APP: variants seen among roughly 807,000 people sequenced by gnomAD.
APP encodes amyloid beta precursor protein.
A neutral mutation model predicts 101.4 loss-of-function variants in APP; 31 were observed. The ratio of observed to expected loss-of-function variants is 0.31; its 90% confidence interval spans 0.23 to 0.41. The LOEUF is 0.41. Among genes scored for constraint, APP ranks in the 10% least tolerant of loss-of-function variants. The probability of loss-of-function intolerance (pLI) is 1.00; values close to 1 mark genes in which losing one functional copy is unlikely to be tolerated. For synonymous variants in APP, 366 were observed against 364.4 expected (o/e 1.00, Z -0.05); for missense variants, 839 against 1,003.7 (o/e 0.84, Z 2.22).
intron 2 of APP, among the ~76,000 whole-genome samples, chr21:26,108,189 C>T (rs1285778175): frequency 1.3e-5 from 2 of 152,236 alleles, no homozygotes; most frequent in Non-Finnish European, 2.9e-5. Context: ...TCAATTTCCT[C>T]ACTGCCACGT....
At chr21:25,914,240 C>CT (rs1440076940) in intron 13 of APP, among the ~76,000 whole-genome samples, 1 of 151,916 alleles carries the variant, frequency 6.6e-6, no homozygotes, top group Non-Finnish European at 1.5e-5. Context: ...TTCCTGCTTG[C>CT]TTTTCCACAC....
At chr21:26,027,234 G>A (rs1481268142) in intron 5 of APP, among the ~76,000 whole-genome samples, 2 of 152,122 alleles carry the variant, frequency 1.3e-5, no homozygotes, top group Non-Finnish European at 2.9e-5. Flanking sequence ...AAGCTCAGCA[G>A]GAAGAGGTTC....
rs548502068 is a variant in APP at position 25,887,609 on chromosome 21, A to C, written c.2211+4113T>G. Among the ~76,000 whole-genome samples, 238 of 152,226 alleles carry C rather than the reference A, an allele frequency of 1.6e-3. 1 individual carries two copies. Among genetic ancestry groups the C allele is most frequent in the Middle Eastern group, 3.4e-3 (1 of 292 alleles). On this transcript the variant is annotated intron_variant, in intron 17 of 17. Coordinates refer to ENST00000346798, the MANE Select transcript of APP (RefSeq NM_000484.4). ...CAATAAAAATACAGTTATGGGCCAC[A>C]TAATGACATTTTAGTCCACGACAGA...
chr21:26,090,367 C>T (rs2061797248), intron 2 of APP, among the ~76,000 whole-genome samples: 1 of 152,140 alleles, frequency 6.6e-6, no homozygotes, highest in African/African-American at 2.4e-5. Context: ...GCATTTCGGA[C>T]TCTGGATTTT....
intron 11 of APP, among the ~76,000 whole-genome samples, chr21:25,969,585 A>G (rs1026468730): frequency 6.6e-6 from 1 of 152,026 alleles, no homozygotes; most frequent in Admixed American, 6.5e-5. Context: ...CATGCCTGTA[A>G]TATCAGCACT....
At chr21:25,939,340 T>A (rs1258440884) in intron 13 of APP, among the ~76,000 whole-genome samples, 1 of 152,258 alleles carries the variant, frequency 6.6e-6, no homozygotes, top group African/African-American at 2.4e-5. Flanking sequence ...TACATATGGA[T>A]GCCATGTCTG....
chr21:25,982,851 A>G (rs1219269405), intron 8 of APP, among the ~76,000 whole-genome samples: 1 of 152,240 alleles, frequency 6.6e-6, no homozygotes, highest in Non-Finnish European at 1.5e-5. Context: ...GTAAATGATG[A>G]TATCATCAAT....
intron 1 of APP, among the ~76,000 whole-genome samples, chr21:26,123,417 TTAG>T (rs1396271251): frequency 6.6e-6 from 1 of 152,240 alleles, no homozygotes; most frequent in Non-Finnish European, 1.5e-5. Flanking sequence ...GTTAACTTAT[TTAG>T]TTTAAGCCAA....
chr21:26,009,000 A>C (rs555802443), intron 6 of APP, among the ~76,000 whole-genome samples: 7 of 152,346 alleles, frequency 4.6e-5, no homozygotes, highest in African/African-American at 1.7e-4. Flanking sequence ...CCTGGGACTC[A>C]GGCCCCCCAT....
At chr21:26,019,835 A>C (rs939547648) in intron 6 of APP, among the ~76,000 whole-genome samples, 11 of 152,244 alleles carry the variant, frequency 7.2e-5, no homozygotes, top group African/African-American at 2.7e-4. Context: ...CATCAGGCTA[A>C]CAAGTTCATT....
intron 5 of APP, among the ~76,000 whole-genome samples, chr21:26,034,299 A>G (rs899622365): frequency 1.3e-5 from 2 of 152,182 alleles, no homozygotes; most frequent in East Asian, 1.9e-4. Flanking sequence ...TCAGAGATCT[A>G]TGTGAGAATT....
At chr21:26,027,625 A>T (rs891523827) in intron 5 of APP, among the ~76,000 whole-genome samples, 1 of 152,176 alleles carries the variant, frequency 6.6e-6, no homozygotes, top group Non-Finnish European at 1.5e-5. Flanking sequence ...AATAGAACTC[A>T]GGGGAAAGGC....
intron 1 of APP, among the ~76,000 whole-genome samples, chr21:26,158,781 C>T (rs993808576): frequency 1.3e-5 from 2 of 152,210 alleles, no homozygotes; most frequent in Admixed American, 1.3e-4. Flanking sequence ...GCCCTCCCCA[C>T]CCCAGTTCAC....
At chr21:26,044,959 T>C (rs2045542371) in intron 5 of APP, among the ~76,000 whole-genome samples, 1 of 152,246 alleles carries the variant, frequency 6.6e-6, no homozygotes, top group African/African-American at 2.4e-5. Context: ...ATTGCTAAAA[T>C]GATGTGACAG....
chr21:26,040,718 AC>A (rs1313502654), intron 5 of APP, among the ~76,000 whole-genome samples: 1 of 151,928 alleles, frequency 6.6e-6, no homozygotes, highest in African/African-American at 2.4e-5. Context: ...CTGAGATTGC[AC>A]CATTGCACTG....
At chr21:26,158,603 C>T (rs540301434) in intron 1 of APP, among the ~76,000 whole-genome samples, 1 of 152,190 alleles carries the variant, frequency 6.6e-6, no homozygotes, top group African/African-American at 2.4e-5. Context: ...ATCAATGCCT[C>T]GTCCCCATTT....
intron 1 of APP, among the ~76,000 whole-genome samples, chr21:26,125,842 A>C (rs999984304): frequency 1.4e-4 from 21 of 152,202 alleles, no homozygotes; most frequent in African/African-American, 5.1e-4. Flanking sequence ...TTTAATTTTC[A>C]AAACTAGCAT....
intron 17 of APP, among the ~76,000 whole-genome samples, chr21:25,887,839 A>T (rs1021042781): frequency 6.6e-6 from 1 of 152,198 alleles, no homozygotes; most frequent in African/African-American, 2.4e-5. Context: ...AGATTTATGT[A>T]CATGTACTTT....
At chr21:25,999,414 T>C (rs2043184026) in intron 7 of APP, among the ~76,000 whole-genome samples, 1 of 152,208 alleles carries the variant, frequency 6.6e-6, no homozygotes, top group African/African-American at 2.4e-5. Flanking sequence ...CTGGCAAATG[T>C]CTGTGTGCTG....
Sources: gnomAD v4.1 joint callset for allele counts (sites outside exome capture counted in the v4.1 genomes callset) on GRCh38, gnomAD v4.1.1 for gene constraint, MANE v1.5 for transcripts, NCBI Gene and HGNC (gene_info 2026-07-23, HGNC 2026-07-21) for gene names.